Variants in ZNF556 observed in about 807,000 individuals in gnomAD.
ZNF556 encodes zinc finger protein 556.
A neutral mutation model predicts 13.6 loss-of-function variants in ZNF556; 11 were observed. That is an observed-to-expected ratio of 0.81 (90% CI 0.51 to 1.33). The LOEUF is 1.33. ZNF556 is among the 40% of genes most tolerant of loss of function. The pLI is 0.00. For missense variants in ZNF556, 633 were observed against 566.2 expected, an observed-to-expected ratio of 1.12 and a Z score of -1.20; for synonymous variants, 229 against 207.8, an observed-to-expected ratio of 1.10 and a Z score of -0.88.
chr19:2,867,868 A>C (rs1265036263), intron 1 of ZNF556, among the ~76,000 whole-genome samples: 1 of 152,146 alleles, frequency 6.6e-6, no homozygotes, highest in Non-Finnish European at 1.5e-5. Context: ...ACGTGGCGGC[A>C]CGGGCTGGCC....
chr19:2,881,312 C>T lies in ZNF556; in HGVS notation c.*2983C>T, dbSNP rs1221015383. On this transcript the variant is annotated 3_prime_UTR_variant, in exon 4 of 4. Transcript: ENST00000307635. ...TGGAGCCCAGTAGCAATGGCTCACG[C>T]CTGTAATCCCAGGACCCACCGAGGC... 1 of 152,042 alleles carries T rather than the reference C, an allele frequency of 6.6e-6. No individual in the cohort carries two copies. The highest frequency in any genetic ancestry group is 1.5e-5 in the Non-Finnish European group (1 of 68,022). 9.4% of individuals were successfully genotyped at this position (152,042 alleles called of 1,614,324 possible).
At chr19:2,873,777 G>GCA (rs1200883101) in intron 2 of ZNF556, among the ~76,000 whole-genome samples, 155 bp downstream of exon 2, 3 of 148,990 alleles carry the variant, frequency 2.0e-5, no homozygotes, top group Non-Finnish European at 4.5e-5. Context: ...AACATAGTGA[G>GCA]ACCTTGTCTC....
At position 2,869,686 on chromosome 19, in the gene ZNF556, C is replaced by A. The variant is rs16991489; in HGVS notation, c.3+2262C>A. Among the ~76,000 whole-genome samples, 874 of 152,216 alleles carry A rather than the reference C, an allele frequency of 5.7e-3. 11 individuals are homozygous for A. The highest frequency in any genetic ancestry group is 0.02 in the African/African-American group (828 of 41,528). Reference sequence around the variant, plus strand: ...CCGGCCTAGATCTCCTCTTATGCTGCTCTTGCACAGGACTGCACTGTGACA... The same window carrying A: ...CCGGCCTAGATCTCCTCTTATGCTGATCTTGCACAGGACTGCACTGTGACA... On this transcript the variant is annotated intron_variant, in intron 1 of 3. Coordinates refer to ENST00000307635, the MANE Select transcript of ZNF556 (RefSeq NM_024967.3).
rs933180993 is a variant in ZNF556 at position 2,878,141 on chromosome 19, G to C, written c.1183G>C (p.Glu395Gln). 1 of 1,614,012 alleles carries C rather than the reference G, an allele frequency of 6.2e-7. No individual in the cohort carries two copies. Among genetic ancestry groups the C allele is most frequent in the Non-Finnish European group, 8.5e-7 (1 of 1,180,040 alleles). Reference protein sequence around the residue: ...LHKHERKHTGEKPVNAASVGK... With the variant: ...LHKHERKHTGQKPVNAASVGK... ...CAAACATGAGAGAAAGCACACTGGG[G>C]AGAAACCTGTAAATGCAGCCAGTGT... Residue 395 changes from glutamate to glutamine, a missense_variant, in exon 4 of 4, where the codon GAG becomes CAG. Coordinates refer to ENST00000307635, the MANE Select transcript of ZNF556 (RefSeq NM_024967.3).
chr19:2,877,090 G>A (rs192040951), intron 3 of ZNF556, among the ~76,000 whole-genome samples, 183 bp from the exon 4 acceptor site: 1 of 151,982 alleles, frequency 6.6e-6, no homozygotes, highest in East Asian at 1.9e-4. Flanking sequence ...CCATGTGACT[G>A]TAATCCCAGC....
At position 2,873,555 on chromosome 19, in the gene ZNF556, G is replaced by A. The variant is rs372626378; in HGVS notation, c.63G>A (p.Leu21=). 1.7e-5 allele frequency: 28 copies of A among 1,614,050 alleles called. No individual in the cohort carries two copies. Among genetic ancestry groups the A allele is most frequent in the Non-Finnish European group, 2.4e-5 (28 of 1,180,012 alleles). Residue 21 remains leucine, a synonymous_variant, in exon 2 of 4, where the codon CTG becomes CTA. Coordinates refer to ENST00000307635, the MANE Select transcript of ZNF556 (RefSeq NM_024967.3). The part of the protein sequence containing the change: ...VDFTLEEWAL[L]NPAQRKLYRD... ...TCACGCTGGAGGAGTGGGCCTTGCTGAATCCTGCTCAGAGAAAACTCTACA... is the reference window on the plus strand; with the variant it reads ...TCACGCTGGAGGAGTGGGCCTTGCTAAATCCTGCTCAGAGAAAACTCTACA...
chr19:2,878,598 C>T lies in ZNF556; in HGVS notation c.*269C>T, dbSNP rs527481204. ...GGCTGAGGCAGGAGAACGGCGTGAA[C>T]CCGGGAGGCGGAGCTTGCAGTGAGC... On this transcript the variant is annotated 3_prime_UTR_variant, in exon 4 of 4. Coordinates refer to ENST00000307635, the MANE Select transcript of ZNF556 (RefSeq NM_024967.3). 1.1e-4 allele frequency: 33 copies of T among 298,148 alleles called. No homozygotes were observed. The highest frequency in any genetic ancestry group is 4.9e-5 in the Admixed American group (1 of 20,326). The allele number at this position is 298,148 out of a possible 1,614,324, so 18.5% of individuals were successfully genotyped here.
Position 2,876,141 on chromosome 19 carries a change from C to G in ZNF556, c.179C>G (p.Thr60Ser). Residue 60 changes from threonine to serine, a missense_variant, in exon 3 of 4, where the codon ACT becomes AGT. Transcript: ENST00000307635. ...AGTGGGTCTATTTCTCAGCAGGATA[C>G]TTCTGGAGAAAAATTATCCCTCAAA... ...KASGSISQQDTSGEKLSLKQK... is the reference protein window; with the variant it reads ...KASGSISQQDSSGEKLSLKQK... 2 of 1,612,936 alleles carry G rather than the reference C, an allele frequency of 1.2e-6. No individual in the cohort carries two copies. Among genetic ancestry groups the G allele is most frequent in the Middle Eastern group, 1.7e-4 (1 of 6,054 alleles).
intron 1 of ZNF556, among the ~76,000 whole-genome samples, chr19:2,872,316 C>T (rs938720440): frequency 2.0e-5 from 3 of 150,984 alleles, no homozygotes; most frequent in Non-Finnish European, 4.4e-5. Flanking sequence ...GACCACGGTT[C>T]ACTTGGCAAC....
At chr19:2,876,733 G>A (rs1259799285) in intron 3 of ZNF556, among the ~76,000 whole-genome samples, 1 of 151,490 alleles carries the variant, frequency 6.6e-6, no homozygotes, top group Non-Finnish European at 1.5e-5. Context: ...AAAAAAAAAT[G>A]ATAATTCTGT....
chr19:2,871,833 G>A (rs2087805382), intron 1 of ZNF556, among the ~76,000 whole-genome samples: 1 of 152,158 alleles, frequency 6.6e-6, no homozygotes, highest in Admixed American at 6.6e-5. Context: ...CGAATGCCAG[G>A]CTGCACTGAT....
Position 2,876,087 on chromosome 19 carries a change from T to C in ZNF556, c.131-6T>C. The C allele has an allele frequency of 1.3e-6, 2 of 1,593,492 alleles. No homozygotes were observed. The highest frequency in any genetic ancestry group is 1.7e-6 in the Non-Finnish European group (2 of 1,174,620). ...CTCATCATATTGGTTCACTTTTTTG[T>C]TTCAGATAATGAGGCTCAGCTTAAA... On this transcript the variant is annotated splice_polypyrimidine_tract_variant and splice_region_variant and intron_variant, in intron 2 of 3. Transcript: ENST00000307635.
At chr19:2,868,313 G>A in intron 1 of ZNF556, among the ~76,000 whole-genome samples, 1 of 151,936 alleles carries the variant, frequency 6.6e-6, no homozygotes, top group Non-Finnish European at 1.5e-5. Context: ...AAAAATGTTT[G>A]GTATATAATT....
intron 2 of ZNF556, 151 bp from the exon 3 acceptor site, chr19:2,875,942 C>CT: frequency 1.5e-6 from 1 of 661,566 alleles, no homozygotes; most frequent in Non-Finnish European, 2.3e-6. Context: ...CCAGCCTGGG[C>CT]GACAGAGTGA....
Position 2,876,376 on chromosome 19 carries a change from G to A in ZNF556, c.314+100G>A, listed in dbSNP as rs2087852323. The A allele has an allele frequency of 5.6e-6, 7 of 1,242,564 alleles. No homozygotes were observed. In the South Asian group the frequency reaches 8.1e-5, roughly 14 times the overall value. 77.0% of individuals were successfully genotyped at this position (1,242,564 alleles called of 1,614,324 possible). Reference sequence around the variant, plus strand: ...AGGCCAAGGGAGGCGGATCACCTGGGGTGAGGAGTTTGTGACCAGCCTGAC... The same window carrying A: ...AGGCCAAGGGAGGCGGATCACCTGGAGTGAGGAGTTTGTGACCAGCCTGAC... On this transcript the variant is annotated intron_variant, in intron 3 of 3. Transcript: ENST00000307635.
At chr19:2,869,332 T>G (rs1193724358) in intron 1 of ZNF556, among the ~76,000 whole-genome samples, 1 of 151,922 alleles carries the variant, frequency 6.6e-6, no homozygotes, top group Non-Finnish European at 1.5e-5. Context: ...TGCCCCACCT[T>G]GAGCCCATGA....
chr19:2,868,876 AC>A (rs560115278), intron 1 of ZNF556, among the ~76,000 whole-genome samples: 296 of 149,908 alleles, frequency 2.0e-3, no homozygotes, highest in African/African-American at 7.0e-3. Context: ...GTGTGGCCAC[AC>A]CCAGCTAATT....
chr19:2,878,280 A>G lies in ZNF556; in HGVS notation c.1322A>G (p.Gln441Arg), dbSNP rs1365793935. Reference sequence around the variant, plus strand: ...GCTTTCAGTTGTCCCAAAGCCTTTCAAGGTCATGTGAGAAGTCACACAGGA... The same window carrying G: ...GCTTTCAGTTGTCCCAAAGCCTTTCGAGGTCATGTGAGAAGTCACACAGGA... The part of the protein sequence containing the change: ...GKAFSCPKAF[Q>R]GHVRSHTGKK... The change falls in exon 4 of 4, where the codon CAA becomes CGA. Residue 441 changes from glutamine to arginine, a missense_variant. By Grantham distance (43) the Gln-to-Arg change is conservative. Transcript: ENST00000307635. The G allele has an allele frequency of 1.9e-6, 3 of 1,614,066 alleles. No individual in the cohort carries two copies. In the Admixed American group the frequency reaches 5.0e-5, roughly 27 times the overall value.
Position 2,880,094 on chromosome 19 carries a change from A to T in ZNF556, c.*1765A>T, listed in dbSNP as rs1304896756. On this transcript the variant is annotated 3_prime_UTR_variant, in exon 4 of 4. Coordinates refer to ENST00000307635, the MANE Select transcript of ZNF556 (RefSeq NM_024967.3). ...AGGGGATTGTTTCCCTACTGCATCT[A>T]CTGTGACCTAGTATTCTTCGTGAGA... The T allele has an allele frequency of 6.6e-6, 1 of 152,208 alleles. No individual in the cohort carries two copies. The highest frequency in any genetic ancestry group is 2.4e-5 in the African/African-American group (1 of 41,468). The allele number at this position is 152,208 out of a possible 1,614,324, so 9.4% of individuals were successfully genotyped here. A position where few individuals can be genotyped will look rare whatever the true frequency, so the allele number is the denominator to read the frequency against.
Sources: gnomAD v4.1 joint callset for allele counts (sites outside exome capture counted in the v4.1 genomes callset) on GRCh38, gnomAD v4.1.1 for gene constraint, MANE v1.5 for transcripts, NCBI Gene and HGNC (gene_info 2026-07-23, HGNC 2026-07-21) for gene names.